The following GAA variants were observed in gnomAD, a reference collection of about 807,000 sequenced individuals.
GAA encodes alpha glucosidase, also known as lysosomal alpha-glucosidase.
In GAA, 88 loss-of-function variants were observed where a neutral mutation model predicts 103.9. The observed-to-expected ratio is 0.85, with a 90% CI of 0.71 to 1.01. The LOEUF is 1.01. Among genes scored for constraint, GAA ranks in the 50% least tolerant of loss-of-function variants. The probability of loss-of-function intolerance (pLI) is 0.00; values close to 1 mark genes in which losing one functional copy is unlikely to be tolerated. For missense variants in GAA, 1,350 were observed against 1,305.3 expected (o/e 1.03, Z -0.53); for synonymous variants, 572 against 563.1 (o/e 1.02, Z -0.22).
At chr17:80,111,050 G>A in intron 11 of GAA, 25 bp downstream of exon 11, 1 of 1,608,672 alleles carries the variant, frequency 6.2e-7, no homozygotes, top group Non-Finnish European at 8.5e-7. Flanking sequence ...CACCTACCCT[G>A]GGGACTTAAT....
At chr17:80,111,847 G>C in intron 11 of GAA, 136 bp from the exon 12 acceptor site, 2 of 686,302 alleles carry the variant, frequency 2.9e-6, no homozygotes, top group East Asian at 5.4e-5. Context: ...GTGGGGAGCG[G>C]CTGCAGGTGC....
In GAA at chr17:80,110,736, G is replaced by A. The variant is rs770590394; in HGVS notation, c.1447G>A (p.Gly483Arg). 8.7e-6 allele frequency: 14 copies of A among 1,613,790 alleles called. No homozygotes were observed. The highest frequency in any genetic ancestry group is 5.3e-5 in the African/African-American group (4 of 74,904). ...GQPLIGKVWPGSTAFPDFTNP... is the reference protein window; with the variant it reads ...GQPLIGKVWPRSTAFPDFTNP... ...GCCTCTCGTTGTCCAGGTATGGCCC[G>A]GGTCCACTGCCTTCCCCGACTTCAC... Residue 483 changes from glycine (G) to arginine (R), a missense_variant, in exon 10 of 20, where the codon GGG (glycine) becomes AGG (arginine). Gly to Arg is a moderately radical substitution (Grantham distance 125). Transcript: ENST00000302262.
chr17:80,107,769 G>A (rs367620645), intron 4 of GAA, 31 bp from the exon 5 acceptor site: 2 of 1,609,776 alleles, frequency 1.2e-6, no homozygotes, highest in African/African-American at 2.7e-5. Context: ...GGGAGCGCAG[G>A]TGCTGAAGCG....
At chr17:80,105,206 A>G (rs1388046497) in intron 2 of GAA, 74 bp downstream of exon 2, 2 of 1,378,678 alleles carry the variant, frequency 1.5e-6, no homozygotes, top group Non-Finnish European at 2.0e-6. Context: ...CGCACCTCAC[A>G]AGGGTGGGGT....
At chr17:80,118,610 C>G in intron 18 of GAA, 43 bp from the exon 19 acceptor site, 1 of 1,607,506 alleles carries the variant, frequency 6.2e-7, no homozygotes. Context: ...TCTGCTGACA[C>G]CTCCACATTC....
In GAA at chr17:80,104,712, G is replaced by A; in HGVS notation, c.126G>A (p.Leu42=). ...ATTTCCTGCTGGTTCCCCGAGAGCT[G>A]AGTGGCTCCTCCCCAGTCCTGGAGG... The part of the protein sequence containing the change: ...LHDFLLVPRE[L]SGSSPVLEET... Residue 42 remains leucine (L), a synonymous_variant, in exon 2 of 20, where the codon CTG becomes CTA. Coordinates refer to ENST00000302262, the MANE Select transcript of GAA (RefSeq NM_000152.5). The surrounding 1 kb of genome is among the most constrained non-coding windows in gnomAD (Gnocchi z 4.0). 1.9e-6 allele frequency: 3 copies of A among 1,612,874 alleles called. No homozygotes were observed. Among genetic ancestry groups the A allele is most frequent in the Non-Finnish European group, 2.5e-6 (3 of 1,179,840 alleles).
rs368244038 is a variant in GAA, at chr17:80,108,516, G to A, written c.1103G>A (p.Gly368Asp). ...VGYPFMPPYWGLGFHLCRWGY... is the reference protein window; with the variant it reads ...VGYPFMPPYWDLGFHLCRWGY... ...TACCCGTTCATGCCGCCATACTGGGGCCTGGGCTTCCACCTGTGCCGCTGG... is the reference window on the plus strand; with the variant it reads ...TACCCGTTCATGCCGCCATACTGGGACCTGGGCTTCCACCTGTGCCGCTGG... The change falls in exon 7 of 20, where the codon GGC (glycine) becomes GAC (aspartate). Residue 368 changes from glycine to aspartate, a missense_variant. Transcript: ENST00000302262. 6.2e-7 allele frequency: 1 copy of A among 1,613,004 alleles called. No homozygotes were observed. The highest frequency in any genetic ancestry group is 8.5e-7 in the Non-Finnish European group (1 of 1,179,984).
chr17:80,116,986 C>T lies in GAA; in HGVS notation c.2208C>T (p.Ser736=). The T allele has an allele frequency of 6.2e-7, 1 of 1,613,804 alleles. No homozygotes were observed. The highest frequency in any genetic ancestry group is 8.5e-7 in the Non-Finnish European group (1 of 1,180,028). The change falls in exon 16 of 20, where the codon AGC becomes AGT. Residue 736 remains serine, a synonymous_variant. Coordinates refer to ENST00000302262, the MANE Select transcript of GAA (RefSeq NM_000152.5). Reference sequence around the variant, plus strand: ...CTTGCAGGTTCCCCAAGGACTCTAGCACCTGGACTGTGGACCACCAGCTCC... The same window carrying T: ...CTTGCAGGTTCCCCAAGGACTCTAGTACCTGGACTGTGGACCACCAGCTCC... ...PLFLEFPKDS[S]TWTVDHQLLW...
Position 80,105,137 on chromosome 17 carries a change from G to A in GAA, c.546+5G>A, listed in dbSNP as rs756024023. The A allele has an allele frequency of 5.0e-6, 8 of 1,602,382 alleles. No individual in the cohort carries two copies. The African/African-American group carries it at 6.7e-5, about 13-fold the overall frequency. On this transcript the variant is annotated splice_donor_5th_base_variant and intron_variant, in intron 2 of 19. Transcript: ENST00000302262. ...GAGAACCGCCTCCACTTCACGGTGGGCAGGGCAGGGGCGGGGGCGGCGGCC... is the reference window on the plus strand; with the variant it reads ...GAGAACCGCCTCCACTTCACGGTGGACAGGGCAGGGGCGGGGGCGGCGGCC...
At chr17:80,109,415 C>T (rs2039175894) in intron 8 of GAA, among the ~76,000 whole-genome samples, 2 of 152,232 alleles carry the variant, frequency 1.3e-5, no homozygotes, top group Admixed American at 1.3e-4. Flanking sequence ...GCTGGTCCAG[C>T]CCGAGTCTGG....
In GAA at chr17:80,110,035, G is replaced by C. The variant is rs201409613; in HGVS notation, c.1417G>C (p.Gly473Arg). ...GGGGGTTTTCATCACCAACGAGACCGGCCAGCCGCTGATTGGGAAGGTAGG... is the reference window on the plus strand; with the variant it reads ...GGGGGTTTTCATCACCAACGAGACCCGCCAGCCGCTGATTGGGAAGGTAGG... ...RRGVFITNET[G>R]QPLIGKVWPG... The change falls in exon 9 of 20, where the codon GGC becomes CGC. Residue 473 changes from glycine to arginine, a missense_variant. By Grantham distance (125) the Gly-to-Arg change is moderately radical (BLOSUM62 -2). Coordinates refer to ENST00000302262, the MANE Select transcript of GAA (RefSeq NM_000152.5). The C allele has an allele frequency of 1.2e-6, 2 of 1,613,072 alleles. No individual in the cohort carries two copies. The highest frequency in any genetic ancestry group is 1.7e-6 in the Non-Finnish European group (2 of 1,179,874).
chr17:80,113,275 A>C lies in GAA; in HGVS notation c.2098A>C (p.Thr700Pro). ...PAQQAMRKAL[T>P]LRYALLPHLY... ...CCAGCAGGCCATGAGGAAGGCCCTC[A>C]CCCTGCGCTACGCACTCCTCCCCCA... Residue 700 changes from threonine (T) to proline (P), a missense_variant, in exon 15 of 20, where the codon ACC (threonine) becomes CCC (proline). Thr to Pro is a conservative substitution (Grantham distance 38). Transcript: ENST00000302262. 1 of 1,600,010 alleles carries C rather than the reference A, an allele frequency of 6.2e-7. No homozygotes were observed. Among genetic ancestry groups the C allele is most frequent in the South Asian group, 1.1e-5 (1 of 88,432 alleles).
intron 12 of GAA, 77 bp from the exon 13 acceptor site, chr17:80,112,501 A>C: frequency 1.3e-6 from 2 of 1,578,126 alleles, no homozygotes; most frequent in Non-Finnish European, 1.7e-6. Context: ...CCTTGCTCCC[A>C]GCTCTGCCCT....
Position 80,104,563 on chromosome 17 carries a change from G to T in GAA, c.-24G>T. The T allele has an allele frequency of 6.3e-7, 1 of 1,597,956 alleles. No individual in the cohort carries two copies. ...GCTTTCTTCTCCCGCAGGCCTGTAGGAGCTGTCCAGGCCATCTCCAACCAT... is the reference window on the plus strand; with the variant it reads ...GCTTTCTTCTCCCGCAGGCCTGTAGTAGCTGTCCAGGCCATCTCCAACCAT... On this transcript the variant is annotated 5_prime_UTR_variant, in exon 2 of 20. Coordinates refer to ENST00000302262, the MANE Select transcript of GAA (RefSeq NM_000152.5). The surrounding 1 kb of genome is among the most constrained non-coding windows in gnomAD (Gnocchi z 4.0).
intron 3 of GAA, among the ~76,000 whole-genome samples, 162 bp from the exon 4 acceptor site, chr17:80,107,395 C>T (rs1245370468): frequency 6.6e-6 from 1 of 152,196 alleles, no homozygotes; most frequent in Non-Finnish European, 1.5e-5. Context: ...CCAAGGGCTG[C>T]AGGGCTCGGC....
intron 16 of GAA, 85 bp from the exon 17 acceptor site, chr17:80,117,515 C>T (rs1227081290): frequency 6.6e-7 from 1 of 1,516,460 alleles, no homozygotes; most frequent in Non-Finnish European, 9.2e-7. Flanking sequence ...CACGTGGAGC[C>T]CCGGGAGATG....
rs779328815 is a variant in GAA, at chr17:80,112,704, C to T, written c.1881C>T (p.Ser627=). ...VWSSWEQLAS[S]VPEILQFNLL... ...GCTCCTGGGAGCAGCTCGCCTCCTC[C>T]GTGCCAGGTGAGCTCCTACCAGGAG... is the stretch of plus-strand genomic sequence containing the variant. The change falls in exon 13 of 20, where the codon TCC becomes TCT. Residue 627 remains serine, a synonymous_variant. Transcript: ENST00000302262. 1.1e-5 allele frequency: 18 copies of T among 1,607,776 alleles called. No homozygotes were observed. Among genetic ancestry groups the T allele is most frequent in the East Asian group, 1.1e-4 (5 of 44,668 alleles).
In GAA at chr17:80,107,802, C is replaced by T. The variant is rs778580823; in HGVS notation, c.861C>T (p.Pro287=). The part of the protein sequence containing the change: ...TLWNRDLAPT[P]GANLYGSHPF... ...GCGCCGTCTCCTGCATGTCCCAGCC[C>T]GGTGCGAACCTCTACGGGTCTCACC... The change falls in exon 5 of 20, where the codon CCC becomes CCT. Residue 287 remains proline (P), a splice_region_variant and synonymous_variant. Transcript: ENST00000302262. 128 of 1,611,418 alleles carry T rather than the reference C, an allele frequency of 7.9e-5. No homozygotes were observed. The highest frequency in any genetic ancestry group is 2.1e-4 in the South Asian group (19 of 90,934).
In GAA at chr17:80,104,665, C is replaced by T. The variant is rs538605208; in HGVS notation, c.79C>T (p.Leu27=). 6.2e-7 allele frequency: 1 copy of T among 1,613,388 alleles called. No individual in the cohort carries two copies. The highest frequency in any genetic ancestry group is 8.5e-7 in the Non-Finnish European group (1 of 1,179,994). The change falls in exon 2 of 20, where the codon CTG becomes TTG. Residue 27 remains leucine, a synonymous_variant. Transcript: ENST00000302262. The surrounding 1 kb of genome is among the most constrained non-coding windows in gnomAD (Gnocchi z 4.0). Reference sequence around the variant, plus strand: ...CGTGTCCTTGGCAACCGCTGCACTCCTGGGGCACATCCTACTCCATGATTT... The same window carrying T: ...CGTGTCCTTGGCAACCGCTGCACTCTTGGGGCACATCCTACTCCATGATTT... ...ALVSLATAAL[L]GHILLHDFLL...
Sources: allele counts gnomAD v4.1 joint callset (sites outside exome capture counted in the v4.1 genomes callset), GRCh38; gene constraint gnomAD v4.1.1; non-coding constraint Gnocchi (gnomAD v3.1); transcripts MANE v1.5; gene names NCBI Gene and HGNC (gene_info 2026-07-23, HGNC 2026-07-21).